Variants in EYA2 observed in about 807,000 individuals in gnomAD.
EYA2 encodes the protein protein phosphatase EYA2.
EYA2 carries 31 observed loss-of-function variants against 69.2 expected under a neutral mutation model. The ratio of observed to expected loss-of-function variants is 0.45; its 90% CI spans 0.34 to 0.60. EYA2 has a LOEUF of 0.60. Ranked by LOEUF, EYA2 falls within the 20% of genes least tolerant of loss-of-function variation. The probability of loss-of-function intolerance (pLI) is 0.02; values close to 1 mark genes in which losing one functional copy is unlikely to be tolerated. For synonymous variants in EYA2, 257 were observed against 279.4 expected, an observed-to-expected ratio of 0.92 and a Z score of 0.80; for missense variants, 622 against 701.2, an observed-to-expected ratio of 0.89 and a Z score of 1.28.
At chr20:47,172,664 A>T (rs1158506331) in intron 11 of EYA2, 43 bp from the exon 12 acceptor site, 1 of 1,547,236 alleles carries the variant, frequency 6.5e-7, no homozygotes, top group African/African-American at 1.4e-5. Context: ...GATGCCCTGC[A>T]CCCCCCTGCA....
At chr20:47,136,837 C>A (rs567719947) in intron 9 of EYA2, among the ~76,000 whole-genome samples, 2 of 152,222 alleles carry the variant, frequency 1.3e-5, no homozygotes, top group East Asian at 1.9e-4. Context: ...AGGGCAGTTC[C>A]AACTCGAAAC....
chr20:47,095,742 C>T (rs1274865706), intron 8 of EYA2: 1 of 152,038 alleles, frequency 6.6e-6, no homozygotes, highest in Non-Finnish European at 1.5e-5. Context: ...CCCAGAGAAA[C>T]TATAGAGAAA....
intron 4 of EYA2, among the ~76,000 whole-genome samples, chr20:47,008,111 A>G (rs1982832868): frequency 1.3e-5 from 2 of 152,166 alleles, no homozygotes; most frequent in Admixed American, 1.3e-4. Context: ...TAGAGGCAGA[A>G]TTGACAGGTC....
intron 5 of EYA2, among the ~76,000 whole-genome samples, chr20:47,050,955 G>T (rs1460061360): frequency 6.6e-6 from 1 of 152,270 alleles, no homozygotes; most frequent in Non-Finnish European, 1.5e-5. Flanking sequence ...AGGCATTCGA[G>T]CATTGCCATG....
At chr20:46,946,782 A>G (rs1206750) in intron 1 of EYA2, among the ~76,000 whole-genome samples, 7,359 of 95,496 alleles carry the variant, frequency 0.077, 273 homozygotes, top group African/African-American at 0.18. Context: ...CCCCCTCCCC[A>G]CCCACCCAAC....
chr20:47,166,393 TAAAAAAAAAAA>T (rs370944686), intron 10 of EYA2, among the ~76,000 whole-genome samples: 96 of 34,516 alleles, frequency 2.8e-3, no homozygotes, highest in African/African-American at 5.4e-3. Context: ...CAAGACTGTC[TAAAAAAAAAAA>T]AAAAAAAAAA....
chr20:46,928,595 G>A (rs1985514500), intron 1 of EYA2, among the ~76,000 whole-genome samples: 1 of 152,196 alleles, frequency 6.6e-6, no homozygotes, highest in South Asian at 2.1e-4. Flanking sequence ...TCTGTTTGAT[G>A]CCAGAGCCTG....
intron 4 of EYA2, among the ~76,000 whole-genome samples, chr20:47,015,083 A>G (rs1983327526): frequency 6.6e-6 from 1 of 152,254 alleles, no homozygotes; most frequent in African/African-American, 2.4e-5. Context: ...TATATTATAT[A>G]CATAAGTTTG....
At chr20:47,080,786 G>T (rs1231698697) in intron 7 of EYA2, among the ~76,000 whole-genome samples, 1 of 152,126 alleles carries the variant, frequency 6.6e-6, no homozygotes, top group Non-Finnish European at 1.5e-5. Context: ...GGCAAAGAGA[G>T]AACTCGTGCA....
chr20:47,072,266 C>G lies in EYA2; in HGVS notation c.483+14C>G, dbSNP rs1286766742. 6.2e-7 allele frequency: 1 copy of G among 1,604,566 alleles called. No homozygotes were observed. The highest frequency in any genetic ancestry group is 1.1e-5 in the South Asian group (1 of 89,490). On this transcript the variant is annotated intron_variant, in intron 6 of 15. Coordinates refer to ENST00000327619, the MANE Select transcript of EYA2 (RefSeq NM_005244.5). ...AGTGTGCACCAGGTAGACATGGCTC[C>G]CTCCCGATTCTTTCCTCAGTTCTTT...
rs1211984056 is a variant in EYA2 at position 47,016,442 on chromosome 20, A to T, written c.415+145A>T. On this transcript the variant is annotated intron_variant, in intron 5 of 15. Coordinates refer to ENST00000327619, the MANE Select transcript of EYA2 (RefSeq NM_005244.5). ...GAGGAGTGGAGAAAATAGATACGAG[A>T]TCTGCCTTTCATGGTCGTTACCTGG... 4 of 649,782 alleles carry T rather than the reference A, an allele frequency of 6.2e-6. No homozygotes were observed. The African/African-American group carries it at 7.2e-5, about 12-fold the overall frequency. 40.3% of individuals were successfully genotyped at this position (649,782 alleles called of 1,614,324 possible). A position where few individuals can be genotyped will look rare whatever the true frequency, so the allele number is the denominator to read the frequency against.
intron 14 of EYA2, among the ~76,000 whole-genome samples, chr20:47,181,196 C>T (rs1306410994): frequency 6.6e-6 from 1 of 152,180 alleles, no homozygotes; most frequent in Non-Finnish European, 1.5e-5. Flanking sequence ...CAAACACACC[C>T]CAAATGCAAG....
chr20:47,186,091 A>C (rs2034634117), intron 15 of EYA2, among the ~76,000 whole-genome samples: 1 of 152,068 alleles, frequency 6.6e-6, no homozygotes, highest in South Asian at 2.1e-4. Context: ...AAAAGTAGAC[A>C]CACAAAGCTG....
At chr20:46,905,128 A>G (rs1396522717) in intron 1 of EYA2, among the ~76,000 whole-genome samples, 4 of 152,222 alleles carry the variant, frequency 2.6e-5, no homozygotes, top group East Asian at 1.9e-4. Flanking sequence ...GAAGAAGGAG[A>G]CATAAAAATG....
At chr20:46,953,200 C>T (rs1306604015) in intron 1 of EYA2, among the ~76,000 whole-genome samples, 1 of 152,084 alleles carries the variant, frequency 6.6e-6, no homozygotes, top group African/African-American at 2.4e-5. Context: ...TATTCTAATT[C>T]GTTTCATCTT....
intron 1 of EYA2, among the ~76,000 whole-genome samples, chr20:46,944,159 G>A (rs1371072706): frequency 3.3e-5 from 5 of 152,266 alleles, no homozygotes; most frequent in Admixed American, 3.3e-4. Context: ...GCCAGGTGAG[G>A]GCCTGGCTGC....
At chr20:47,070,317 A>G (rs2031268648) in intron 5 of EYA2, among the ~76,000 whole-genome samples, 1 of 152,274 alleles carries the variant, frequency 6.6e-6, no homozygotes, top group African/African-American at 2.4e-5. Context: ...ACCATTAGTC[A>G]TTGGAGAAAT....
intron 5 of EYA2, among the ~76,000 whole-genome samples, chr20:47,045,028 GC>G (rs1326838839): frequency 6.6e-6 from 1 of 152,174 alleles, no homozygotes; most frequent in Non-Finnish European, 1.5e-5. Flanking sequence ...GAAATACTAA[GC>G]CCAGTGTATG....
chr20:47,052,785 C>T (rs752759298), intron 5 of EYA2, among the ~76,000 whole-genome samples: 1 of 151,976 alleles, frequency 6.6e-6, no homozygotes, highest in Non-Finnish European at 1.5e-5. Context: ...TCACCATACC[C>T]GGTTATTATT....
Sources: gnomAD v4.1 joint callset for allele counts (sites outside exome capture counted in the v4.1 genomes callset) on GRCh38, gnomAD v4.1.1 for gene constraint, MANE v1.5 for transcripts, NCBI Gene and HGNC (gene_info 2026-07-23, HGNC 2026-07-21) for gene names.